Variants in ZNF827 observed in about 807,000 individuals in gnomAD.
ZNF827 encodes the protein zinc finger protein 827.
Under a neutral mutation model 102.4 loss-of-function variants are expected in ZNF827, and 13 were observed. The observed-to-expected ratio is 0.13, with a 90% confidence interval of 0.08 to 0.20. ZNF827 has a LOEUF of 0.20. ZNF827 is among the 10% of genes least tolerant of loss of function. The pLI is 1.00. For missense variants in ZNF827, 1,103 were observed against 1,344.4 expected (o/e 0.82, Z 2.81); for synonymous variants, 523 against 536.2 (o/e 0.98, Z 0.34).
At chr4:145,880,242 A>C (rs1749549961) in intron 4 of ZNF827, among the ~76,000 whole-genome samples, 1 of 152,164 alleles carries the variant, frequency 6.6e-6, no homozygotes, top group Non-Finnish European at 1.5e-5. Flanking sequence ...TAAAAAAAAG[A>C]ATCTCAGTTC....
Position 145,902,304 on chromosome 4 carries a change from G to A in ZNF827, c.955C>T (p.Pro319Ser), listed in dbSNP as rs549621970. Reference protein sequence around the residue: ...LLPEDPLPPPPSEKKPEKVTP... With the variant: ...LLPEDPLPPPSSEKKPEKVTP... ...ACTTTTTCTGGTTTCTTCTCTGAAGGCGGGGGCGGTAGAGGGTCCTCAGGC... is the reference window on the plus strand; with the variant it reads ...ACTTTTTCTGGTTTCTTCTCTGAAGACGGGGGCGGTAGAGGGTCCTCAGGC... Residue 319 changes from proline (P) to serine (S), a missense_variant, in exon 2 of 15, where the codon CCT becomes TCT. Pro to Ser is a moderately conservative substitution (Grantham distance 74, BLOSUM62 -1). Coordinates refer to ENST00000508784, the MANE Select transcript of ZNF827 (RefSeq NM_001306215.2). The surrounding 1 kb of genome is among the most constrained non-coding windows in gnomAD (Gnocchi z 4.3). 9.3e-5 allele frequency: 148 copies of A among 1,597,662 alleles called. No homozygotes were observed. In the South Asian group the frequency reaches 9.6e-4, roughly 10 times the overall value.
intron 8 of ZNF827, among the ~76,000 whole-genome samples, chr4:145,814,924 G>C (rs1031640690): frequency 6.6e-6 from 1 of 152,080 alleles, no homozygotes; most frequent in African/African-American, 2.4e-5. Flanking sequence ...CTGGGCGACA[G>C]AGCAAGACTC....
chr4:145,865,435 A>C (rs1210117999), intron 5 of ZNF827, among the ~76,000 whole-genome samples: 1 of 152,184 alleles, frequency 6.6e-6, no homozygotes, highest in Non-Finnish European at 1.5e-5. Context: ...GTGCTTCTCA[A>C]ACCTTAGCTG....
chr4:145,931,995 T>C (rs1337394860), intron 1 of ZNF827, among the ~76,000 whole-genome samples: 8 of 152,064 alleles, frequency 5.3e-5, no homozygotes, highest in Admixed American at 5.2e-4. Context: ...ATCGTGAGGG[T>C]AGACCTCTCA....
intron 4 of ZNF827, chr4:145,876,527 T>C (rs956399396): frequency 6.6e-6 from 1 of 152,228 alleles, no homozygotes; most frequent in Non-Finnish European, 1.5e-5. Context: ...AGATCTATCA[T>C]TTATTGAGCA....
chr4:145,934,696 G>A (rs1579607147), intron 1 of ZNF827, among the ~76,000 whole-genome samples: 1 of 152,284 alleles, frequency 6.6e-6, no homozygotes, highest in East Asian at 1.9e-4. Context: ...TGTGTAGTGG[G>A]AGGACTTTGG....
intron 1 of ZNF827, among the ~76,000 whole-genome samples, chr4:145,911,959 CAA>C (rs894653712): frequency 3.9e-5 from 6 of 152,084 alleles, no homozygotes; most frequent in Non-Finnish European, 8.8e-5. Context: ...TATAGGAAAC[CAA>C]ACTTTTCATT....
chr4:145,842,890 A>C (rs1049464427), intron 7 of ZNF827, among the ~76,000 whole-genome samples: 1 of 152,246 alleles, frequency 6.6e-6, no homozygotes, highest in African/African-American at 2.4e-5. Context: ...ATGATTACTA[A>C]ATAAACACTC....
chr4:145,865,805 C>A lies in ZNF827; in HGVS notation c.1981+4440G>T, dbSNP rs116390497. ...CCCTCCTGCTCTCCCTCCCAGCAATCCCACATGGCTAATGGCAGCAGCCAC... is the reference window on the plus strand; with the variant it reads ...CCCTCCTGCTCTCCCTCCCAGCAATACCACATGGCTAATGGCAGCAGCCAC... On this transcript the variant is annotated intron_variant, in intron 5 of 14. Coordinates refer to ENST00000508784, the MANE Select transcript of ZNF827 (RefSeq NM_001306215.2). Among the ~76,000 whole-genome samples, 894 of 152,326 alleles carry A rather than the reference C, an allele frequency of 5.9e-3. 8 individuals carry two copies. Among genetic ancestry groups the A allele is most frequent in the African/African-American group, 0.019 (792 of 41,554 alleles).
In ZNF827 at chr4:145,906,839, C is replaced by T. The variant is rs553320918; in HGVS notation, c.44-3624G>A. On this transcript the variant is annotated intron_variant, in intron 1 of 14. Coordinates refer to ENST00000508784, the MANE Select transcript of ZNF827 (RefSeq NM_001306215.2). ...TCCATCCCTCTGTTGTTTGCAGACT[C>T]GATCACTGAGATACACACACCTCTG... Among the ~76,000 whole-genome samples, 17 of 152,288 alleles carry T rather than the reference C, an allele frequency of 1.1e-4. No individual in the cohort carries two copies. The East Asian group carries it at 2.5e-3, about 22-fold the overall frequency.
intron 11 of ZNF827, among the ~76,000 whole-genome samples, chr4:145,771,708 A>G (rs1341992643): frequency 6.6e-6 from 1 of 152,208 alleles, no homozygotes; most frequent in Admixed American, 6.5e-5. Flanking sequence ...CTGGAGTAAC[A>G]CCAACCCATA....
intron 4 of ZNF827, among the ~76,000 whole-genome samples, chr4:145,878,502 G>A (rs1272334503): frequency 2.0e-5 from 3 of 151,726 alleles, no homozygotes; most frequent in Non-Finnish European, 4.4e-5. Flanking sequence ...GAGGTCAGGA[G>A]TTCGAGACCA....
chr4:145,856,987 A>G (rs75104052), intron 5 of ZNF827, among the ~76,000 whole-genome samples: 4,574 of 71,520 alleles, frequency 0.064, 200 homozygotes, highest in African/African-American at 0.19. Flanking sequence ...ACGCGCACGC[A>G]CACACACACA....
chr4:145,868,356 G>A (rs576558232), intron 5 of ZNF827, among the ~76,000 whole-genome samples: 162 of 116,398 alleles, frequency 1.4e-3, no homozygotes, highest in African/African-American at 4.5e-3. Context: ...GAGGATTTGA[G>A]GATTTTTTTT....
intron 10 of ZNF827, among the ~76,000 whole-genome samples, chr4:145,775,159 A>G (rs1487674326): frequency 1.3e-5 from 2 of 152,204 alleles, no homozygotes; most frequent in Non-Finnish European, 2.9e-5. Flanking sequence ...AGGCTACTCT[A>G]TCCGGGACAA....
At position 145,849,339 on chromosome 4, in the gene ZNF827, A is replaced by T; in HGVS notation, c.2204T>A (p.Leu735His). 1 of 1,613,988 alleles carries T rather than the reference A, an allele frequency of 6.2e-7. No individual in the cohort carries two copies. The highest frequency in any genetic ancestry group is 8.5e-7 in the Non-Finnish European group (1 of 1,179,944). The stretch of plus-strand genomic sequence containing the variant: ...AAACATACCTGACAGTTGAAAGAGG[A>T]GCTCGGAAGCCATTTTCACAGAGAT... Reference protein sequence around the residue: ...QDISVKMASELLFQLSEKVSK... With the variant: ...QDISVKMASEHLFQLSEKVSK... Residue 735 changes from leucine (L) to histidine (H), a missense_variant, in exon 6 of 15, where the codon CTC becomes CAC. Leu to His is a moderately conservative substitution (Grantham distance 99). This residue lies in a region of ZNF827 where 243 missense variants were observed against 251.6 expected (regional missense o/e 0.97). Coordinates refer to ENST00000508784, the MANE Select transcript of ZNF827 (RefSeq NM_001306215.2).
At chr4:145,812,944 T>C (rs900292243) in intron 8 of ZNF827, among the ~76,000 whole-genome samples, 12 of 152,338 alleles carry the variant, frequency 7.9e-5, no homozygotes, top group African/African-American at 1.2e-4. Context: ...AAATATTAAA[T>C]GGAAAATTCC....
Position 145,762,169 on chromosome 4 carries a change from G to GTGTGTGTCTCTC in ZNF827, c.*18-583_*18-572dup, listed in dbSNP as rs1734619755. On this transcript the variant is annotated intron_variant, in intron 14 of 14. Transcript: ENST00000508784. The surrounding 1 kb of genome is among the most constrained non-coding windows in gnomAD (Gnocchi z 4.9). ...AGGGTTTGTTAGGATGAGAAGGCCT[G>GTGTGTGTCTCTC]TGTGTGTCTCTCTGTGTGAGTGTGT... 6.6e-6 allele frequency among the ~76,000 whole-genome samples: 1 copy of GTGTGTGTCTCTC among 152,100 alleles called. No individual in the cohort carries two copies. The highest frequency in any genetic ancestry group is 2.4e-5 in the African/African-American group (1 of 41,386).
chr4:145,900,473 G>C (rs894762482), intron 2 of ZNF827, among the ~76,000 whole-genome samples: 1 of 151,522 alleles, frequency 6.6e-6, no homozygotes. Flanking sequence ...GCAGTGACAC[G>C]ATCTCAGCTC....
Sources: gnomAD v4.1 joint callset for allele counts (sites outside exome capture counted in the v4.1 genomes callset) on GRCh38, gnomAD v4.1.1 for gene constraint, gnomAD v4.1.1 regional missense constraint, Gnocchi (gnomAD v3.1) non-coding constraint, MANE v1.5 for transcripts, NCBI Gene and HGNC (gene_info 2026-07-23, HGNC 2026-07-21) for gene names.